Variants in SDK1 observed in about 807,000 individuals in gnomAD.
The protein encoded by SDK1 is sidekick cell adhesion molecule 1, also known as protein sidekick-1.
SDK1 carries 157 observed loss-of-function variants against 245.5 expected under a neutral mutation model. That is an observed-to-expected ratio of 0.64 (90% CI 0.56 to 0.73). SDK1 has a LOEUF of 0.73. Among genes scored for constraint, SDK1 ranks in the 30% least tolerant of loss-of-function variants. The pLI, the probability that SDK1 is intolerant of heterozygous loss-of-function variation, is 0.00. For synonymous variants in SDK1, 1,647 were observed against 1,278.5 expected (o/e 1.29, Z -6.15); for missense variants, 3,583 against 3,002.3 (o/e 1.19, Z -4.52).
At chr7:3,334,291 C>T (rs1780143628) in intron 1 of SDK1, among the ~76,000 whole-genome samples, 3 of 152,196 alleles carry the variant, frequency 2.0e-5, no homozygotes, top group Admixed American at 6.5e-5. Context: ...GATAGGTTGA[C>T]TTGTTTGCTG....
At chr7:4,204,515 G>A (rs1254772815) in intron 35 of SDK1, among the ~76,000 whole-genome samples, 2 of 151,984 alleles carry the variant, frequency 1.3e-5, no homozygotes, top group Non-Finnish European at 2.9e-5. Flanking sequence ...GCTGGGGGGA[G>A]AGAGCAGAAA....
At chr7:3,913,418 C>T (rs998205277) in intron 5 of SDK1, among the ~76,000 whole-genome samples, 13 of 151,578 alleles carry the variant, frequency 8.6e-5, no homozygotes, top group Non-Finnish European at 8.8e-5. Context: ...CTCAGCCGCT[C>T]GAGTAGCTGG....
At chr7:3,621,962 A>C (rs533072608) in intron 2 of SDK1, among the ~76,000 whole-genome samples, 2 of 152,316 alleles carry the variant, frequency 1.3e-5, no homozygotes, top group East Asian at 3.9e-4. Context: ...AAGTCACATG[A>C]GATATTCAAC....
At chr7:3,633,788 C>A (rs1454614514) in intron 2 of SDK1, among the ~76,000 whole-genome samples, 1 of 152,088 alleles carries the variant, frequency 6.6e-6, no homozygotes, top group Non-Finnish European at 1.5e-5. Flanking sequence ...TGAGCTGTTG[C>A]ATGGATGGAT....
At chr7:4,130,524 A>T (rs1411862701) in intron 27 of SDK1, 1 of 164,462 alleles carries the variant, frequency 6.1e-6, no homozygotes, top group Non-Finnish European at 1.3e-5. Context: ...AGTTTAAAAA[A>T]TCCACAGTGG....
At chr7:4,050,900 T>A (rs1410754420) in intron 18 of SDK1, among the ~76,000 whole-genome samples, 1 of 144,072 alleles carries the variant, frequency 6.9e-6, no homozygotes, top group East Asian at 2.0e-4. Flanking sequence ...TAGTATATAT[T>A]ATATATAGTA....
chr7:3,614,009 G>C (rs1312254807), intron 1 of SDK1, among the ~76,000 whole-genome samples: 1 of 152,158 alleles, frequency 6.6e-6, no homozygotes, highest in Admixed American at 6.5e-5. Flanking sequence ...GGATCAGGAA[G>C]AGTAACAATG....
intron 13 of SDK1, among the ~76,000 whole-genome samples, chr7:3,985,795 A>G (rs1053807872): frequency 8.5e-5 from 13 of 152,226 alleles, no homozygotes; most frequent in African/African-American, 2.9e-4. Context: ...AATGGTGCGT[A>G]TGGGTTAGAG....
chr7:4,221,178 G>A, intron 39 of SDK1, 61 bp from the exon 40 acceptor site: 1 of 1,595,270 alleles, frequency 6.3e-7, no homozygotes, highest in African/African-American at 1.3e-5. Flanking sequence ...AAATCTCACG[G>A]GGTGGGATGT....
At chr7:4,152,716 C>G (rs149049184) in intron 30 of SDK1, among the ~76,000 whole-genome samples, 175 of 152,368 alleles carry the variant, frequency 1.1e-3, no homozygotes, top group African/African-American at 4.2e-3. Context: ...ATTTTGTACA[C>G]TGCCACAGTA....
intron 4 of SDK1, among the ~76,000 whole-genome samples, chr7:3,739,271 A>G (rs1779409285): frequency 1.3e-5 from 2 of 152,162 alleles, no homozygotes; most frequent in African/African-American, 4.8e-5. Flanking sequence ...GGGTGTTGAT[A>G]TCTTTGCATT....
At chr7:3,584,766 C>T (rs1780627403) in intron 1 of SDK1, among the ~76,000 whole-genome samples, 1 of 151,876 alleles carries the variant, frequency 6.6e-6, no homozygotes, top group South Asian at 2.1e-4. Flanking sequence ...CGCTGTCCCC[C>T]AGGCTGGAGT....
chr7:3,839,912 A>C (rs897814424), intron 5 of SDK1, among the ~76,000 whole-genome samples: 1 of 152,176 alleles, frequency 6.6e-6, no homozygotes, highest in African/African-American at 2.4e-5. Context: ...AAAGCTTTCA[A>C]GCTTAATATA....
At chr7:4,083,777 T>TACTTCTTC in intron 22 of SDK1, among the ~76,000 whole-genome samples, 1 of 4,334 alleles carries the variant, frequency 2.3e-4, no homozygotes, top group Non-Finnish European at 4.3e-4. Context: ...CTCCCTTCTT[T>TACTTCTTC]CCTCCCTCCT....
At chr7:3,608,777 C>T (rs7778898) in intron 1 of SDK1, among the ~76,000 whole-genome samples, 7 of 152,298 alleles carry the variant, frequency 4.6e-5, no homozygotes, top group East Asian at 1.9e-4. Context: ...GTCATTTATG[C>T]GGTTTCAGAG....
At chr7:3,941,081 T>G (rs1263714361) in intron 5 of SDK1, among the ~76,000 whole-genome samples, 2 of 151,894 alleles carry the variant, frequency 1.3e-5, no homozygotes, top group Non-Finnish European at 2.9e-5. Flanking sequence ...TCTCCTGAGC[T>G]TTCTCCCTTA....
chr7:3,638,905 T>C (rs531537701), intron 2 of SDK1, 99 bp from the exon 3 acceptor site: 116 of 606,852 alleles, frequency 1.9e-4, no homozygotes, highest in Non-Finnish European at 3.0e-4. Flanking sequence ...ATATACTAGA[T>C]GAGATGCCAG....
chr7:3,734,155 T>C (rs2115044256), intron 4 of SDK1, among the ~76,000 whole-genome samples: 1 of 152,322 alleles, frequency 6.6e-6, no homozygotes, highest in East Asian at 1.9e-4. Flanking sequence ...GGAGCTATAG[T>C]TCCCTTACCT....
At chr7:3,563,484 A>G (rs535490663) in intron 1 of SDK1, among the ~76,000 whole-genome samples, 5 of 152,342 alleles carry the variant, frequency 3.3e-5, no homozygotes, top group East Asian at 1.9e-4. Flanking sequence ...GGAATGCTAT[A>G]TATTGATAAA....
Sources: allele counts gnomAD v4.1 joint callset (sites outside exome capture counted in the v4.1 genomes callset), GRCh38; gene constraint gnomAD v4.1.1; transcripts MANE v1.5; gene names NCBI Gene and HGNC (gene_info 2026-07-23, HGNC 2026-07-21).